LRP2: variants seen among roughly 807,000 people sequenced by gnomAD.
LRP2 encodes LDL receptor related protein 2, also known as low-density lipoprotein receptor-related protein 2.
In LRP2, 172 loss-of-function variants were observed where a neutral mutation model predicts 531.0. The ratio of observed to expected loss-of-function variants is 0.32; its 90% CI spans 0.29 to 0.37. The LOEUF is 0.37. Ranked by LOEUF, LRP2 falls within the 10% of genes least tolerant of loss-of-function variation. The pLI, the probability that LRP2 is intolerant of heterozygous loss-of-function variation, is 1.00. For synonymous variants in LRP2, 1,992 were observed against 2,027.6 expected (o/e 0.98, Z 0.47); for missense variants, 5,167 against 5,868.3 (o/e 0.88, Z 3.90).
At chr2:169,221,796 C>T (rs186407086) in intron 33 of LRP2, among the ~76,000 whole-genome samples, 1 of 152,178 alleles carries the variant, frequency 6.6e-6, no homozygotes, top group East Asian at 1.9e-4. Flanking sequence ...ACTAAGGTAG[C>T]TTTTCTTTTC....
At chr2:169,146,116 A>C (rs1411281624) in intron 69 of LRP2, among the ~76,000 whole-genome samples, 193 bp from the exon 70 acceptor site, 1 of 152,202 alleles carries the variant, frequency 6.6e-6, no homozygotes, top group Non-Finnish European at 1.5e-5. Flanking sequence ...TAGGAGGTCA[A>C]GAAGATAGAA....
At chr2:169,207,679 G>C (rs967589704) in intron 38 of LRP2, among the ~76,000 whole-genome samples, 4 of 152,160 alleles carry the variant, frequency 2.6e-5, no homozygotes, top group African/African-American at 7.2e-5. Flanking sequence ...CAGCATCTCA[G>C]GTTGTTATTA....
chr2:169,218,821 T>G (rs989582188), intron 34 of LRP2, among the ~76,000 whole-genome samples: 1 of 152,158 alleles, frequency 6.6e-6, no homozygotes, highest in Admixed American at 6.5e-5. Context: ...ATACTCAGAA[T>G]GACCTAGGAA....
At chr2:169,153,627 AG>A (rs755842245) in intron 66 of LRP2, among the ~76,000 whole-genome samples, 1 of 152,232 alleles carries the variant, frequency 6.6e-6, no homozygotes, top group Non-Finnish European at 1.5e-5. Context: ...CTCAGAGGTA[AG>A]CAGACAGAAC....
intron 24 of LRP2, among the ~76,000 whole-genome samples, chr2:169,242,387 C>A (rs1474540105): frequency 1.3e-5 from 2 of 152,210 alleles, no homozygotes; most frequent in African/African-American, 2.4e-5. Context: ...GAAGAAATTT[C>A]TTTTCTCTGA....
At position 169,181,639 on chromosome 2, in the gene LRP2, G is replaced by C. The variant is rs376898904; in HGVS notation, c.9999-21C>G. 11 of 1,613,442 alleles carry C rather than the reference G, an allele frequency of 6.8e-6. No individual in the cohort carries two copies. The East Asian group carries it at 1.6e-4, about 23-fold the overall frequency. On this transcript the variant is annotated intron_variant, in intron 51 of 78. Coordinates refer to ENST00000649046, the MANE Select transcript of LRP2 (RefSeq NM_004525.3). Reference sequence around the variant, plus strand: ...GGTACCTGTCAGGGCAAACACAAAGGGTCAGTCCCTGATGCCAAAAGAAGT... The same window carrying C: ...GGTACCTGTCAGGGCAAACACAAAGCGTCAGTCCCTGATGCCAAAAGAAGT...
chr2:169,206,473 T>C lies in LRP2; in HGVS notation c.7247A>G (p.Asn2416Ser), dbSNP rs1326475927. ...TAGAGACATGACAGTTCTTTCCACATTTATTGTTTGGAAAGGTGGGCTATG... is the reference window on the plus strand; with the variant it reads ...TAGAGACATGACAGTTCTTTCCACACTTATTGTTTGGAAAGGTGGGCTATG... ...ENHSPPFQTI[N>S]VERTVMSLDY... is the part of the protein sequence containing the mutation. Residue 2416 changes from asparagine to serine, a missense_variant, in exon 39 of 79, where the codon AAT becomes AGT. This residue lies in a region of LRP2 where 2,811 missense variants were observed against 3,058.0 expected (regional missense o/e 0.92). Coordinates refer to ENST00000649046, the MANE Select transcript of LRP2 (RefSeq NM_004525.3). 6.8e-6 allele frequency: 11 copies of C among 1,613,954 alleles called. No homozygotes were observed. In the Admixed American group the frequency reaches 8.3e-5, roughly 12 times the overall value.
intron 37 of LRP2, among the ~76,000 whole-genome samples, chr2:169,209,909 G>T (rs999334721): frequency 2.6e-5 from 4 of 152,078 alleles, no homozygotes; most frequent in Non-Finnish European, 2.9e-5. Context: ...ACATCTTATT[G>T]TACCAAGAAA....
intron 29 of LRP2, among the ~76,000 whole-genome samples, chr2:169,233,996 G>A (rs1689510169): frequency 6.6e-6 from 1 of 152,144 alleles, no homozygotes; most frequent in Non-Finnish European, 1.5e-5. Context: ...CAGCACACTT[G>A]TGCCGGCTAT....
intron 16 of LRP2, among the ~76,000 whole-genome samples, chr2:169,261,766 C>A (rs901729485): frequency 6.6e-6 from 1 of 152,076 alleles, no homozygotes; most frequent in African/African-American, 2.4e-5. Flanking sequence ...CATCCTGATA[C>A]CAAAGCCAGG....
intron 16 of LRP2, among the ~76,000 whole-genome samples, chr2:169,263,040 A>C (rs1690634844): frequency 6.6e-6 from 1 of 152,216 alleles, no homozygotes; most frequent in Non-Finnish European, 1.5e-5. Context: ...CTGGCTAGCC[A>C]TATGTAGAAA....
intron 1 of LRP2, among the ~76,000 whole-genome samples, chr2:169,332,526 C>G (rs1219682238): frequency 6.6e-6 from 1 of 152,162 alleles, no homozygotes; most frequent in African/African-American, 2.4e-5. Flanking sequence ...TTAAATGACA[C>G]CTGGCATCTT....
At chr2:169,176,749 A>G (rs1290326347) in intron 53 of LRP2, among the ~76,000 whole-genome samples, 161 bp from the exon 54 acceptor site, 1 of 152,218 alleles carries the variant, frequency 6.6e-6, no homozygotes, top group East Asian at 1.9e-4. Flanking sequence ...AAAACAGATG[A>G]TAGAGTTATA....
intron 77 of LRP2, among the ~76,000 whole-genome samples, chr2:169,130,756 T>C (rs1011809275): frequency 6.6e-6 from 1 of 152,184 alleles, no homozygotes; most frequent in Non-Finnish European, 1.5e-5. Context: ...GTGAGATCCC[T>C]GGACATAACA....
chr2:169,236,696 C>T (rs1164977915), intron 28 of LRP2, among the ~76,000 whole-genome samples: 1 of 152,130 alleles, frequency 6.6e-6, no homozygotes, highest in Non-Finnish European at 1.5e-5. Flanking sequence ...AAAGGGAGCT[C>T]TAATAAACAA....
At position 169,243,087 on chromosome 2, in the gene LRP2, G is replaced by A; in HGVS notation, c.3551-15C>T. 6.3e-7 allele frequency: 1 copy of A among 1,579,686 alleles called. No individual in the cohort carries two copies. Among genetic ancestry groups the A allele is most frequent in the Non-Finnish European group, 8.7e-7 (1 of 1,148,798 alleles). ...ACAGTTTAATACTAAGAATGAAAGAGAAAAGCATTAGAAATTAGCTCAGGG... is the reference window on the plus strand; with the variant it reads ...ACAGTTTAATACTAAGAATGAAAGAAAAAAGCATTAGAAATTAGCTCAGGG... On this transcript the variant is annotated splice_polypyrimidine_tract_variant and intron_variant, in intron 23 of 78. Transcript: ENST00000649046.
intron 12 of LRP2, 30 bp from the exon 13 acceptor site, chr2:169,277,981 T>G: frequency 3.2e-6 from 5 of 1,552,546 alleles, no homozygotes; most frequent in Non-Finnish European, 4.4e-6. Flanking sequence ...GATGAAAGAA[T>G]CTGGTATTTT....
At chr2:169,154,673 G>A in intron 65 of LRP2, 70 bp from the exon 66 acceptor site, 2 of 1,363,016 alleles carry the variant, frequency 1.5e-6, no homozygotes, top group African/African-American at 1.4e-5. Flanking sequence ...GATATAAAAT[G>A]CACAGTATGT....
chr2:169,321,014 A>G (rs1684895438), intron 1 of LRP2, 130 bp from the exon 2 acceptor site: 2 of 696,354 alleles, frequency 2.9e-6, no homozygotes, highest in East Asian at 2.7e-5. Flanking sequence ...TTAGAAAATT[A>G]GGTAAACATT....
Sources: gnomAD v4.1 joint callset for allele counts (sites outside exome capture counted in the v4.1 genomes callset) on GRCh38, gnomAD v4.1.1 for gene constraint, gnomAD v4.1.1 regional missense constraint, MANE v1.5 for transcripts, NCBI Gene and HGNC (gene_info 2026-07-23, HGNC 2026-07-21) for gene names.